BAHD1: variants seen among roughly 807,000 people sequenced by gnomAD.
The protein encoded by BAHD1 is bromo adjacent homology domain containing 1.
Under a neutral mutation model 63.1 loss-of-function variants are expected in BAHD1, and 20 were observed. The ratio of observed to expected loss-of-function variants is 0.32; its 90% CI spans 0.22 to 0.46. The LOEUF (loss-of-function observed/expected upper bound fraction) is 0.46. Among genes scored for constraint, BAHD1 ranks in the 20% least tolerant of loss-of-function variants. BAHD1 has a pLI of 1.00. For missense variants in BAHD1, 939 were observed against 1,071.8 expected, an observed-to-expected ratio of 0.88 and a Z score of 1.73; for synonymous variants, 408 against 426.8, an observed-to-expected ratio of 0.96 and a Z score of 0.54.
chr15:40,439,192 G>A (rs1893337202), upstream of BAHD1, among the ~76,000 whole-genome samples: 2 of 152,194 alleles, frequency 1.3e-5, no homozygotes, highest in African/African-American at 2.4e-5. Flanking sequence ...AGTGGCAGTG[G>A]GAGAACCTGG....
intron 1 of BAHD1, among the ~76,000 whole-genome samples, chr15:40,456,832 A>ACTCCT (rs1267142454): frequency 6.6e-6 from 1 of 152,214 alleles, no homozygotes; most frequent in East Asian, 1.9e-4. Context: ...GGGTTGCAGG[A>ACTCCT]GTACCTGGTG....
chr15:40,437,681 G>A (rs575586626), upstream of BAHD1, among the ~76,000 whole-genome samples: 2 of 152,368 alleles, frequency 1.3e-5, no homozygotes, highest in South Asian at 4.1e-4. Context: ...GCAGGGGCTG[G>A]AGGGAGGAGA....
chr15:40,460,232 G>A (rs777811948), intron 2 of BAHD1, among the ~76,000 whole-genome samples: 11 of 152,160 alleles, frequency 7.2e-5, no homozygotes, highest in Non-Finnish European at 1.6e-4. Context: ...TGAAGAGCAG[G>A]TTAGATATTG....
intron 1 of BAHD1, among the ~76,000 whole-genome samples, chr15:40,446,669 C>T (rs573224971): frequency 1.0e-3 from 154 of 152,316 alleles, no homozygotes; most frequent in African/African-American, 3.6e-3. Context: ...TGAAAAAAAA[C>T]AGGTGATTTC....
intron 1 of BAHD1, among the ~76,000 whole-genome samples, chr15:40,441,561 C>T (rs1893402596): frequency 6.7e-6 from 1 of 149,488 alleles, no homozygotes. Flanking sequence ...GGCCGCCCGC[C>T]TTGCAGGCCG....
At chr15:40,449,626 C>G (rs905633014) in intron 1 of BAHD1, among the ~76,000 whole-genome samples, 1 of 151,512 alleles carries the variant, frequency 6.6e-6, no homozygotes, top group Non-Finnish European at 1.5e-5. Context: ...ATAGTGAGAC[C>G]TTGTCTCTAC....
In BAHD1 at chr15:40,458,691, G is replaced by T. The variant is rs1015647122; in HGVS notation, c.227G>T (p.Arg76Leu). 1 of 1,613,856 alleles carries T rather than the reference G, an allele frequency of 6.2e-7. No homozygotes were observed. Among genetic ancestry groups the T allele is most frequent in the Non-Finnish European group, 8.5e-7 (1 of 1,180,006 alleles). The change falls in exon 2 of 7, where the codon CGC (arginine) becomes CTC (leucine). Residue 76 changes from arginine to leucine, a missense_variant. This residue lies in a region of BAHD1 where 797 missense variants were observed against 813.3 expected (regional missense o/e 0.98). Coordinates refer to ENST00000416165, the MANE Select transcript of BAHD1 (RefSeq NM_014952.5). This position sits in a 1 kb window ranked among gnomAD's most constrained non-coding sequence, Gnocchi z 4.7. ...AAGGCCTGCAAAGTGCTGCTGACTCGCCTGGAGAATGTGGCCGGTCCCCGG... is the reference window on the plus strand; with the variant it reads ...AAGGCCTGCAAAGTGCTGCTGACTCTCCTGGAGAATGTGGCCGGTCCCCGG... Reference protein sequence around the residue: ...KPKACKVLLTRLENVAGPRSA... With the variant: ...KPKACKVLLTLLENVAGPRSA...
chr15:40,464,356 C>T lies in BAHD1; in HGVS notation c.1976-115C>T, dbSNP rs189545732. The T allele has an allele frequency of 8.2e-4, 731 of 895,840 alleles. 3 individuals carry two copies. The East Asian group carries it at 9.5e-3, about 12-fold the overall frequency. The allele number at this position is 895,840 out of a possible 1,614,324, so 55.5% of individuals were successfully genotyped here. A position where few individuals can be genotyped will look rare whatever the true frequency, so the allele number is the denominator to read the frequency against. On this transcript the variant is annotated intron_variant, in intron 4 of 6. Transcript: ENST00000416165. ...GCCTGGGGCAGGGGACATGGGTTGC[C>T]GGAGCCTGCAGGATTGAGGTTGGAT...
chr15:40,458,577 A>G lies in BAHD1; in HGVS notation c.113A>G (p.Glu38Gly), dbSNP rs1237193327. ...ATGGAGCAGGGGGTTGAGGGTGTGG[A>G]GCCAGGCATGCCCGAGAGCCCAGGT... ...SNMEQGVEGV[E>G]PGMPESPGHL... Residue 38 changes from glutamate to glycine, a missense_variant, in exon 2 of 7, where the codon GAG becomes GGG. By Grantham distance (98) the Glu-to-Gly change is moderately conservative. Transcript: ENST00000416165. The surrounding 1 kb of genome is among the most constrained non-coding windows in gnomAD (Gnocchi z 4.7). 6.2e-7 allele frequency: 1 copy of G among 1,613,962 alleles called. No individual in the cohort carries two copies. Among genetic ancestry groups the G allele is most frequent in the Admixed American group, 1.7e-5 (1 of 60,012 alleles).
chr15:40,460,928 T>C (rs530071377), intron 2 of BAHD1, among the ~76,000 whole-genome samples: 2 of 152,276 alleles, frequency 1.3e-5, no homozygotes, highest in African/African-American at 4.8e-5. Context: ...TTTTGTGCCA[T>C]TCCCCAAGTC....
Position 40,464,703 on chromosome 15 carries a change from T to G in BAHD1, c.2052+156T>G, listed in dbSNP as rs1244823324. 4.8e-6 allele frequency: 3 copies of G among 627,352 alleles called. No homozygotes were observed. The African/African-American group carries it at 5.5e-5, about 11-fold the overall frequency. The allele number at this position is 627,352 out of a possible 1,614,324, so 38.9% of individuals were successfully genotyped here. A position where few individuals can be genotyped will look rare whatever the true frequency, so the allele number is the denominator to read the frequency against. On this transcript the variant is annotated intron_variant, in intron 5 of 6. Coordinates refer to ENST00000416165, the MANE Select transcript of BAHD1 (RefSeq NM_014952.5). ...GAGAACCTGGGAAAGGGCCCAGGAT[T>G]TATTCTCTTTTCCCAACACTGCCCC...
intron 1 of BAHD1, chr15:40,454,444 C>A: frequency 6.6e-6 from 1 of 152,428 alleles, no homozygotes; most frequent in Non-Finnish European, 1.5e-5. Flanking sequence ...ATTTTGAGAT[C>A]CTGATGCCCC....
intron 6 of BAHD1, among the ~76,000 whole-genome samples, 172 bp from the exon 7 acceptor site, chr15:40,465,769 A>T (rs1894181759): frequency 6.6e-6 from 1 of 152,200 alleles, no homozygotes; most frequent in Admixed American, 6.5e-5. Flanking sequence ...CAGAGAAGAT[A>T]GCCTGGTGGT....
At position 40,467,407 on chromosome 15, in the gene BAHD1, G is replaced by C. The variant is rs1894243782; in HGVS notation, c.*1277G>C. On this transcript the variant is annotated 3_prime_UTR_variant, in exon 7 of 7. Transcript: ENST00000416165. ...GAGGGAGTGGAGTGCAGTGTGGCTT[G>C]GGCCTGGTGCTGGGAACCTGCTAGC... The C allele has an allele frequency of 6.5e-6, 1 of 153,272 alleles. No individual in the cohort carries two copies. The highest frequency in any genetic ancestry group is 1.5e-5 in the Non-Finnish European group (1 of 68,576). The allele number at this position is 153,272 out of a possible 1,614,324, so 9.5% of individuals were successfully genotyped here. A position where few individuals can be genotyped will look rare whatever the true frequency, so the allele number is the denominator to read the frequency against.
chr15:40,465,070 C>A, intron 5 of BAHD1: 1 of 516,620 alleles, frequency 1.9e-6, no homozygotes, highest in South Asian at 2.3e-5. Flanking sequence ...CTCTCCTACG[C>A]TAGGCAGGGC....
In BAHD1 at chr15:40,458,728, G is replaced by A; in HGVS notation, c.264G>A (p.Glu88=). Residue 88 remains glutamate (E), a synonymous_variant, in exon 2 of 7, where the codon GAG becomes GAA. Transcript: ENST00000416165. The surrounding 1 kb of genome is among the most constrained non-coding windows in gnomAD (Gnocchi z 4.7). The part of the protein sequence containing the change: ...ENVAGPRSAD[E]ADELPPDLPK... ...TGGCCGGTCCCCGGAGTGCAGATGA[G>A]GCTGATGAGCTACCGCCTGACCTGC... 5 of 1,613,606 alleles carry A rather than the reference G, an allele frequency of 3.1e-6. No individual in the cohort carries two copies. The highest frequency in any genetic ancestry group is 4.2e-6 in the Non-Finnish European group (5 of 1,180,044).
intron 1 of BAHD1, among the ~76,000 whole-genome samples, chr15:40,443,639 C>G (rs1253285728): frequency 1.3e-5 from 2 of 151,996 alleles, no homozygotes; most frequent in Non-Finnish European, 2.9e-5. Flanking sequence ...TTTTTGATAT[C>G]TCCCTCTCTT....
intron 1 of BAHD1, among the ~76,000 whole-genome samples, chr15:40,449,245 G>GT (rs2141484067): frequency 6.6e-6 from 1 of 152,316 alleles, no homozygotes; most frequent in East Asian, 1.9e-4. Flanking sequence ...CAGGTGCATA[G>GT]TGAGTGCTTG....
chr15:40,466,184 G>A lies in BAHD1; in HGVS notation c.*54G>A, dbSNP rs564029284. The A allele has an allele frequency of 1.9e-5, 30 of 1,558,512 alleles. No individual in the cohort carries two copies. The Admixed American group carries it at 2.2e-4, about 11-fold the overall frequency. On this transcript the variant is annotated 3_prime_UTR_variant, in exon 7 of 7. Transcript: ENST00000416165. ...ATGGGCAAGTGGGGCTCGGGGTAGG[G>A]GGCACTGCTTGAAGCACAGCACTTG...
Sources: gnomAD v4.1 joint callset for allele counts (sites outside exome capture counted in the v4.1 genomes callset) on GRCh38, gnomAD v4.1.1 for gene constraint, gnomAD v4.1.1 regional missense constraint, Gnocchi (gnomAD v3.1) non-coding constraint, MANE v1.5 for transcripts, NCBI Gene and HGNC (gene_info 2026-07-23, HGNC 2026-07-21) for gene names.